Variants in RICTOR observed in about 807,000 individuals in gnomAD.
RICTOR encodes RPTOR independent companion of MTOR complex 2, also known as rapamycin-insensitive companion of mTOR.
A neutral mutation model predicts 214.9 loss-of-function variants in RICTOR; 49 were observed. That is an observed-to-expected ratio of 0.23 (90% CI 0.18 to 0.29). The LOEUF (loss-of-function observed/expected upper bound fraction) is 0.29. Ranked by LOEUF, RICTOR falls within the 10% of genes least tolerant of loss-of-function variation. The pLI, the probability that RICTOR is intolerant of heterozygous loss-of-function variation, is 1.00. For synonymous variants in RICTOR, 717 were observed against 711.3 expected, an observed-to-expected ratio of 1.01 and a Z score of -0.13; for missense variants, 1,625 against 2,047.0, an observed-to-expected ratio of 0.79 and a Z score of 3.98.
chr5:39,031,104 T>C (rs1304449584), intron 2 of RICTOR, among the ~76,000 whole-genome samples: 3 of 152,178 alleles, frequency 2.0e-5, no homozygotes, highest in Non-Finnish European at 4.4e-5. Flanking sequence ...AAATCACTTA[T>C]AAAATGTTTT....
rs764805842 is a variant in RICTOR at position 38,958,687 on chromosome 5, C to T, written c.2323G>A (p.Asp775Asn). 62 of 1,605,996 alleles carry T rather than the reference C, an allele frequency of 3.9e-5. No homozygotes were observed. The highest frequency in any genetic ancestry group is 5.1e-5 in the Non-Finnish European group (60 of 1,177,182). ...TISSEALDIL[D>N]EACEDKANLH... Reference sequence around the variant, plus strand: ...TTTACCTTGTCTTCACATGCTTCATCGAGGATATCAAGAGCTTCAGAGGAA... The same window carrying T: ...TTTACCTTGTCTTCACATGCTTCATTGAGGATATCAAGAGCTTCAGAGGAA... Residue 775 changes from aspartate (D) to asparagine (N), a missense_variant, in exon 23 of 38, where the codon GAT becomes AAT. Asp to Asn is a conservative substitution (Grantham distance 23). Around this residue, in one of 5 missense-constraint regions of RICTOR, gnomAD observed 1,214 missense variants for 1,470.5 expected, o/e 0.83. Coordinates refer to ENST00000357387, the MANE Select transcript of RICTOR (RefSeq NM_152756.5).
chr5:39,058,343 CAG>C (rs1758325886), intron 2 of RICTOR, among the ~76,000 whole-genome samples: 1 of 151,810 alleles, frequency 6.6e-6, no homozygotes, highest in Non-Finnish European at 1.5e-5. Flanking sequence ...AAAATAGAAA[CAG>C]AAAGCAATGA....
rs747222585 is a variant in RICTOR at position 38,950,221 on chromosome 5, C to T, written c.3627G>A (p.Thr1209=). The change falls in exon 31 of 38, where the codon ACG becomes ACA. Residue 1209 remains threonine, a synonymous_variant. Coordinates refer to ENST00000357387, the MANE Select transcript of RICTOR (RefSeq NM_152756.5). ...GGCTACGTATCTTCATATGTGAGCTCGTTGAACTTTCTACTACTAACCTCT... is the reference window on the plus strand; with the variant it reads ...GGCTACGTATCTTCATATGTGAGCTTGTTGAACTTTCTACTACTAACCTCT... ...SRERLVVESS[T]SSHMKIRSQS... The T allele has an allele frequency of 5.1e-5, 82 of 1,613,332 alleles. 2 individuals are homozygous for T. Among genetic ancestry groups the T allele is most frequent in the South Asian group, 7.7e-5 (7 of 91,062 alleles).
intron 7 of RICTOR, among the ~76,000 whole-genome samples, chr5:38,989,860 G>T (rs1752453106): frequency 6.6e-6 from 1 of 152,200 alleles, no homozygotes; most frequent in African/African-American, 2.4e-5. Flanking sequence ...ACAAATGTTA[G>T]AGAGGATGTG....
chr5:38,969,252 G>A (rs1271554130), intron 11 of RICTOR, among the ~76,000 whole-genome samples: 1 of 151,918 alleles, frequency 6.6e-6, no homozygotes, highest in East Asian at 1.9e-4. Context: ...GATTACAGGT[G>A]TGAGCCACCG....
intron 2 of RICTOR, among the ~76,000 whole-genome samples, chr5:39,059,245 G>A (rs1758385648): frequency 6.6e-6 from 1 of 152,042 alleles, no homozygotes; most frequent in African/African-American, 2.4e-5. Context: ...AGTTTGGCCT[G>A]TTTTTGAACT....
intron 2 of RICTOR, among the ~76,000 whole-genome samples, chr5:39,058,499 T>C (rs1434323975): frequency 1.3e-5 from 2 of 152,140 alleles, no homozygotes; most frequent in Non-Finnish European, 2.9e-5. Context: ...CTTCCGTCTA[T>C]GTAAAACCCG....
intron 5 of RICTOR, among the ~76,000 whole-genome samples, chr5:39,000,696 G>A (rs961015171): frequency 3.0e-4 from 46 of 151,934 alleles, no homozygotes; most frequent in African/African-American, 1.0e-3. Context: ...GACATCATCT[G>A]TAATTAATGC....
chr5:38,939,323 C>T lies in RICTOR; in HGVS notation c.*2981G>A, dbSNP rs1359779242. 1 of 232,232 alleles carries T rather than the reference C, an allele frequency of 4.3e-6. No individual in the cohort carries two copies. Among genetic ancestry groups the T allele is most frequent in the Admixed American group, 5.6e-5 (1 of 17,758 alleles). The allele number at this position is 232,232 out of a possible 1,614,324, so 14.4% of individuals were successfully genotyped here. On this transcript the variant is annotated 3_prime_UTR_variant, in exon 38 of 38. Coordinates refer to ENST00000357387, the MANE Select transcript of RICTOR (RefSeq NM_152756.5). ...CTGAAACCCATTAAAGTTGTCATTT[C>T]AAAAGGACTTGTACACATTATGTTA...
intron 2 of RICTOR, among the ~76,000 whole-genome samples, chr5:39,027,989 TA>T (rs1248569320): frequency 6.6e-6 from 1 of 151,898 alleles, no homozygotes; most frequent in Non-Finnish European, 1.5e-5. Context: ...GTAAAAGATT[TA>T]AATAGATGTG....
At chr5:38,956,898 G>A (rs1053247693) in intron 25 of RICTOR, among the ~76,000 whole-genome samples, 1 of 151,934 alleles carries the variant, frequency 6.6e-6, no homozygotes, top group Non-Finnish European at 1.5e-5. Context: ...GTCCATTTAA[G>A]GAGTATCTCT....
rs1206376191 is a variant in RICTOR at position 38,938,471 on chromosome 5, CT to C, written c.*3832del. The C allele has an allele frequency of 1.3e-5, 3 of 231,502 alleles. No homozygotes were observed. The highest frequency in any genetic ancestry group is 2.6e-5 in the Non-Finnish European group (3 of 116,896). 14.3% of individuals were successfully genotyped at this position (231,502 alleles called of 1,614,324 possible). A position where few individuals can be genotyped will look rare whatever the true frequency, so the allele number is the denominator to read the frequency against. On this transcript the variant is annotated 3_prime_UTR_variant, in exon 38 of 38. Transcript: ENST00000357387. Reference sequence around the variant, plus strand: ...CCAAGTAGCAAAATTGAAAGGTATGCTTTTTTTGGCATAAATTATATTTTTG... The same window carrying C: ...CCAAGTAGCAAAATTGAAAGGTATGCTTTTTTGGCATAAATTATATTTTTG...
Position 39,028,175 on chromosome 5 carries a change from C to CTTTTTT in RICTOR, c.98-7045_98-7040dup, listed in dbSNP as rs70982535. Reference sequence around the variant, plus strand: ...GAGAGGCCATGGAGCAACTGGAATTCTTTTTTTTTTTTTTTTTTTTTTTTT... The same window carrying CTTTTTT: ...GAGAGGCCATGGAGCAACTGGAATTCTTTTTTTTTTTTTTTTTTTTTTTTTTTTTTT... On this transcript the variant is annotated intron_variant, in intron 2 of 37. Coordinates refer to ENST00000357387, the MANE Select transcript of RICTOR (RefSeq NM_152756.5). 7.8e-4 allele frequency among the ~76,000 whole-genome samples: 61 copies of CTTTTTT among 78,426 alleles called. 2 individuals carry two copies. The highest frequency in any genetic ancestry group is 1.3e-3 in the African/African-American group (26 of 19,390). The allele number at this position is 78,426 out of a possible 152,430, so 51.5% of individuals were successfully genotyped here. A position where few individuals can be genotyped will look rare whatever the true frequency, so the allele number is the denominator to read the frequency against.
chr5:38,974,218 T>G (rs981550872), intron 10 of RICTOR, among the ~76,000 whole-genome samples: 2 of 151,778 alleles, frequency 1.3e-5, no homozygotes, highest in African/African-American at 2.4e-5. Flanking sequence ...CCTGGCTAAT[T>G]TTTGTATTTT....
intron 6 of RICTOR, among the ~76,000 whole-genome samples, chr5:38,991,929 A>T (rs2150083947): frequency 6.6e-6 from 1 of 152,240 alleles, no homozygotes; most frequent in East Asian, 1.9e-4. Flanking sequence ...AATATTAGAG[A>T]AAATTAATTT....
At chr5:39,069,958 G>C (rs1462287328) in intron 2 of RICTOR, among the ~76,000 whole-genome samples, 1 of 152,134 alleles carries the variant, frequency 6.6e-6, no homozygotes, top group African/African-American at 2.4e-5. Flanking sequence ...TTCCTATATA[G>C]TTTGATTACT....
At chr5:38,949,525 C>G in intron 31 of RICTOR, 187 bp downstream of exon 31, 1 of 1,154,512 alleles carries the variant, frequency 8.7e-7, no homozygotes, top group Non-Finnish European at 1.2e-6. Flanking sequence ...ATTTTCTTCC[C>G]CCCTCGCAGC....
chr5:38,995,002 G>A (rs1049798936), intron 6 of RICTOR, among the ~76,000 whole-genome samples: 1 of 150,852 alleles, frequency 6.6e-6, no homozygotes, highest in Non-Finnish European at 1.5e-5. Context: ...AAAGTTTTCC[G>A]GGGGCTCCAC....
chr5:38,949,113 C>A (rs940071711), intron 31 of RICTOR, among the ~76,000 whole-genome samples: 7 of 151,940 alleles, frequency 4.6e-5, no homozygotes, highest in African/African-American at 1.7e-4. Context: ...TTTTTTGCAG[C>A]AAATACTGTG....
Sources: allele counts gnomAD v4.1 joint callset (sites outside exome capture counted in the v4.1 genomes callset), GRCh38; gene constraint gnomAD v4.1.1; regional missense constraint gnomAD v4.1.1; transcripts MANE v1.5; gene names NCBI Gene and HGNC (gene_info 2026-07-23, HGNC 2026-07-21).